Variants in PPFIA2 observed in about 807,000 individuals in gnomAD.
The protein encoded by PPFIA2 is PPFI scaffold protein A2, also known as liprin-alpha-2.
PPFIA2 carries 46 observed loss-of-function variants against 175.5 expected under a neutral mutation model. The ratio of observed to expected loss-of-function variants is 0.26; its 90% CI spans 0.21 to 0.34. PPFIA2 has a LOEUF of 0.34. Ranked by LOEUF, PPFIA2 falls within the 10% of genes least tolerant of loss-of-function variation. The pLI, the probability that PPFIA2 is intolerant of heterozygous loss-of-function variation, is 1.00. For missense variants in PPFIA2, 1,179 were observed against 1,506.1 expected, an observed-to-expected ratio of 0.78 and a Z score of 3.60; for synonymous variants, 568 against 511.4, an observed-to-expected ratio of 1.11 and a Z score of -1.49.
At chr12:81,457,587 T>C (rs1056008031) in intron 5 of PPFIA2, among the ~76,000 whole-genome samples, 178 bp downstream of exon 5, 1 of 152,222 alleles carries the variant, frequency 6.6e-6, no homozygotes, top group Non-Finnish European at 1.5e-5. Flanking sequence ...TTAGGTTTCC[T>C]GTCTTTTTGT....
intron 17 of PPFIA2, among the ~76,000 whole-genome samples, chr12:81,348,419 A>G (rs2059435819): frequency 6.6e-6 from 1 of 152,172 alleles, no homozygotes; most frequent in Non-Finnish European, 1.5e-5. Flanking sequence ...GATGATGAAT[A>G]CATAAATAAT....
intron 4 of PPFIA2, among the ~76,000 whole-genome samples, chr12:81,483,348 C>T (rs917752785): frequency 6.6e-6 from 1 of 151,954 alleles, no homozygotes; most frequent in African/African-American, 2.4e-5. Flanking sequence ...ATTTGTACAG[C>T]CATGCAGTGG....
At chr12:81,480,053 G>A (rs1267172110) in intron 4 of PPFIA2, among the ~76,000 whole-genome samples, 5 of 152,064 alleles carry the variant, frequency 3.3e-5, no homozygotes, top group African/African-American at 4.8e-5. Flanking sequence ...CCAATCAAAC[G>A]TAGGTTTGGT....
intron 4 of PPFIA2, among the ~76,000 whole-genome samples, chr12:81,583,676 G>A (rs2074750503): frequency 3.3e-5 from 5 of 151,864 alleles, no homozygotes. Flanking sequence ...TCACCAATGG[G>A]TTGTACTGAA....
At chr12:81,488,256 C>T (rs948069329) in intron 4 of PPFIA2, among the ~76,000 whole-genome samples, 9 of 151,754 alleles carry the variant, frequency 5.9e-5, no homozygotes, top group African/African-American at 1.9e-4. Context: ...GAATGAACTC[C>T]GATTTTTATT....
Position 81,318,580 on chromosome 12 carries a change from C to G in PPFIA2, c.2642+7197G>C, listed in dbSNP as rs147531424. Among the ~76,000 whole-genome samples, 298 of 151,756 alleles carry G rather than the reference C, an allele frequency of 2.0e-3. 1 individual carries two copies. Among genetic ancestry groups the G allele is most frequent in the Non-Finnish European group, 2.7e-3 (181 of 67,658 alleles). ...TTCTTTATCTAAAAACTGAGCTATG[C>G]CTTCTAGCTTCACACTTTGACAAAT... On this transcript the variant is annotated intron_variant, in intron 22 of 32. Transcript: ENST00000549396.
intron 26 of PPFIA2, among the ~76,000 whole-genome samples, chr12:81,282,273 T>C (rs1035600868): frequency 1.2e-4 from 19 of 152,070 alleles, no homozygotes; most frequent in African/African-American, 4.3e-4. Context: ...TATGCATTTC[T>C]AGGGAAAATC....
chr12:81,411,547 G>T (rs779047936), intron 7 of PPFIA2, among the ~76,000 whole-genome samples: 2 of 151,968 alleles, frequency 1.3e-5, no homozygotes. Context: ...TAGTCTTGGC[G>T]GCTGGGCCTC....
At chr12:81,394,461 C>T (rs1033236657) in intron 8 of PPFIA2, among the ~76,000 whole-genome samples, 1 of 151,206 alleles carries the variant, frequency 6.6e-6, no homozygotes, top group African/African-American at 2.4e-5. Context: ...GAGAATCATG[C>T]ATACAAAAAA....
chr12:81,329,432 T>A (rs1476718481), intron 21 of PPFIA2, among the ~76,000 whole-genome samples: 1 of 152,184 alleles, frequency 6.6e-6, no homozygotes, highest in Non-Finnish European at 1.5e-5. Context: ...TTGGAATTAT[T>A]GAGGGCAAGA....
chr12:81,274,122 C>G (rs963886305), intron 28 of PPFIA2, among the ~76,000 whole-genome samples: 2 of 152,124 alleles, frequency 1.3e-5, no homozygotes, highest in African/African-American at 4.8e-5. Flanking sequence ...GTTACTGATT[C>G]ATTCTAACAA....
At chr12:81,527,373 T>C (rs2063852637) in intron 4 of PPFIA2, among the ~76,000 whole-genome samples, 1 of 151,724 alleles carries the variant, frequency 6.6e-6, no homozygotes, top group African/African-American at 2.4e-5. Context: ...AGCTCCATTT[T>C]ATGCTTCTGT....
chr12:81,486,403 A>T (rs999091043), intron 4 of PPFIA2, among the ~76,000 whole-genome samples: 2 of 151,914 alleles, frequency 1.3e-5, no homozygotes, highest in African/African-American at 4.8e-5. Context: ...ATAAACTAAT[A>T]TGCCATGCAG....
intron 4 of PPFIA2, among the ~76,000 whole-genome samples, chr12:81,504,021 T>TA (rs1205355179): frequency 6.6e-6 from 1 of 152,066 alleles, no homozygotes; most frequent in African/African-American, 2.4e-5. Context: ...TAGACAGTGA[T>TA]ATATTGGAGA....
rs1239457118 is a variant in PPFIA2 at position 81,491,267 on chromosome 12, C to T, written c.304-33401G>A. ...AATAATTGCCAATCCAGGTTTCTTA[C>T]TTTCAAACCTTCTTATATTTAATTC... On this transcript the variant is annotated intron_variant, in intron 4 of 32. Coordinates refer to ENST00000549396, the MANE Select transcript of PPFIA2 (RefSeq NM_003625.5). 4.0e-5 allele frequency among the ~76,000 whole-genome samples: 6 copies of T among 151,230 alleles called. No individual in the cohort carries two copies. The South Asian group carries it at 1.3e-3, about 32-fold the overall frequency.
At chr12:81,444,138 G>T (rs918722075) in intron 6 of PPFIA2, among the ~76,000 whole-genome samples, 1 of 152,058 alleles carries the variant, frequency 6.6e-6, no homozygotes. Context: ...ACAGGCGTGA[G>T]CCACCGCGCC....
intron 4 of PPFIA2, among the ~76,000 whole-genome samples, chr12:81,561,182 C>A (rs1008195112): frequency 4.6e-5 from 7 of 152,128 alleles, no homozygotes; most frequent in Admixed American, 3.9e-4. Context: ...AAGACCCAGG[C>A]TGTGTATATG....
At chr12:81,708,092 C>A (rs2077437894) in intron 3 of PPFIA2, among the ~76,000 whole-genome samples, 2 of 150,540 alleles carry the variant, frequency 1.3e-5, no homozygotes, top group Admixed American at 6.6e-5. Context: ...TTAGTGGGTG[C>A]AGCGCACCAG....
chr12:81,535,505 G>A (rs991494475), intron 4 of PPFIA2: 23 of 454,290 alleles, frequency 5.1e-5, no homozygotes, highest in African/African-American at 4.4e-4. Flanking sequence ...AGATCAGGTT[G>A]AGACACCTAA....
Sources: gnomAD v4.1 joint callset for allele counts (sites outside exome capture counted in the v4.1 genomes callset) on GRCh38, gnomAD v4.1.1 for gene constraint, MANE v1.5 for transcripts, NCBI Gene and HGNC (gene_info 2026-07-23, HGNC 2026-07-21) for gene names.